The following PKHD1 variants were observed in gnomAD, a reference collection of about 807,000 sequenced individuals.
PKHD1 encodes the protein PKHD1 ciliary IPT domain containing fibrocystin/polyductin.
A neutral mutation model predicts 412.0 loss-of-function variants in PKHD1; 291 were observed. The observed-to-expected ratio is 0.71, with a 90% confidence interval of 0.64 to 0.78. The LOEUF is 0.78. Ranked by LOEUF, PKHD1 falls within the 30% of genes least tolerant of loss-of-function variation. The pLI, the probability that PKHD1 is intolerant of heterozygous loss-of-function variation, is 0.00. For synonymous variants in PKHD1, 1,777 were observed against 1,821.5 expected (o/e 0.98, Z 0.62); for missense variants, 4,825 against 4,950.7 (o/e 0.97, Z 0.76).
chr6:51,968,319 C>A (rs1793149378), intron 35 of PKHD1, among the ~76,000 whole-genome samples: 1 of 152,128 alleles, frequency 6.6e-6, no homozygotes. Context: ...TTGTAGTGAA[C>A]AATCAATTAG....
intron 43 of PKHD1, among the ~76,000 whole-genome samples, chr6:51,900,072 C>T (rs1411387017): frequency 6.6e-6 from 1 of 152,072 alleles, no homozygotes. Context: ...GAATCAATAT[C>T]GTGAAAATGG....
chr6:51,827,450 C>T (rs969181764), intron 52 of PKHD1, among the ~76,000 whole-genome samples: 1 of 152,074 alleles, frequency 6.6e-6, no homozygotes, highest in African/African-American at 2.4e-5. Flanking sequence ...TACAGCTTGT[C>T]CAATGTCACA....
At chr6:51,755,784 T>C (rs1281267942) in intron 55 of PKHD1, among the ~76,000 whole-genome samples, 1 of 152,192 alleles carries the variant, frequency 6.6e-6, no homozygotes, top group South Asian at 2.1e-4. Flanking sequence ...ACAGTGTCCA[T>C]GTGCAGGGCA....
In PKHD1 at chr6:52,017,647, C is replaced by A; in HGVS notation, c.5381-18G>T. On this transcript the variant is annotated intron_variant, in intron 33 of 66. Transcript: ENST00000371117. The stretch of plus-strand genomic sequence containing the variant: ...CAAGGACACTGCAGGAAACAGTCAC[C>A]ATTAGGAAAGAACCACAGAGAGAAC... The A allele has an allele frequency of 6.3e-7, 1 of 1,597,564 alleles. No homozygotes were observed. The highest frequency in any genetic ancestry group is 1.1e-5 in the South Asian group (1 of 90,638).
In PKHD1 at chr6:52,056,247, G is replaced by T. The variant is rs76039302; in HGVS notation, c.1693+451C>A. Among the ~76,000 whole-genome samples the T allele has an allele frequency of 3.3e-5, 5 of 152,298 alleles. No individual in the cohort carries two copies. In the East Asian group the frequency reaches 9.6e-4, roughly 29 times the overall value. ...AGACAAGGAATATCAAGATGGAAGA[G>T]GTGTTCAAAAATAACTAGAATTTAG... On this transcript the variant is annotated intron_variant, in intron 18 of 66. Coordinates refer to ENST00000371117, the MANE Select transcript of PKHD1 (RefSeq NM_138694.4).
intron 66 of PKHD1, chr6:51,621,965 C>T (rs1346848401): frequency 1.3e-5 from 2 of 152,204 alleles, no homozygotes; most frequent in Admixed American, 6.5e-5. Flanking sequence ...GCCTCCTTTC[C>T]ACCTCTGCCT....
At chr6:52,070,548 C>A (rs2128229442) in intron 9 of PKHD1, 103 bp from the exon 10 acceptor site, 1 of 810,868 alleles carries the variant, frequency 1.2e-6, no homozygotes. Context: ...ATCAAATTAC[C>A]ACCCAAACCT....
At chr6:51,687,591 C>T (rs1314359241) in intron 60 of PKHD1, among the ~76,000 whole-genome samples, 3 of 152,172 alleles carry the variant, frequency 2.0e-5, no homozygotes, top group Non-Finnish European at 2.9e-5. Flanking sequence ...TTGCCCTTCA[C>T]AACAACTTTA....
chr6:51,737,612 T>G (rs1784014340), intron 60 of PKHD1, among the ~76,000 whole-genome samples: 1 of 152,186 alleles, frequency 6.6e-6, no homozygotes, highest in African/African-American at 2.4e-5. Flanking sequence ...CTCACTAAAT[T>G]AAAAATATTG....
intron 60 of PKHD1, among the ~76,000 whole-genome samples, chr6:51,679,395 G>A (rs1776318457): frequency 6.6e-6 from 1 of 151,716 alleles, no homozygotes; most frequent in Non-Finnish European, 1.5e-5. Context: ...TTGACAAGTG[G>A]TGAAAGAATT....
intron 60 of PKHD1, among the ~76,000 whole-genome samples, chr6:51,710,635 A>C (rs924645328): frequency 6.6e-6 from 1 of 152,156 alleles, no homozygotes; most frequent in African/African-American, 2.4e-5. Context: ...CATTAAACAT[A>C]TATATCTATT....
intron 6 of PKHD1, among the ~76,000 whole-genome samples, 178 bp from the exon 7 acceptor site, chr6:52,073,719 A>T (rs1467121774): frequency 1.3e-5 from 2 of 152,202 alleles, no homozygotes; most frequent in Non-Finnish European, 2.9e-5. Flanking sequence ...TTTAGTGATC[A>T]ATATTACACA....
chr6:51,963,496 C>T (rs1384660948), intron 35 of PKHD1, among the ~76,000 whole-genome samples: 1 of 152,122 alleles, frequency 6.6e-6, no homozygotes. Flanking sequence ...GCATCCACTG[C>T]TTACCAGCTA....
At chr6:51,956,282 G>T (rs947648227) in intron 36 of PKHD1, among the ~76,000 whole-genome samples, 1 of 140,470 alleles carries the variant, frequency 7.1e-6, no homozygotes, top group African/African-American at 2.7e-5. Context: ...ATATGTAAGT[G>T]TATATGTGTG....
chr6:52,011,382 T>C (rs901076934), intron 34 of PKHD1, among the ~76,000 whole-genome samples: 4 of 152,242 alleles, frequency 2.6e-5, no homozygotes, highest in African/African-American at 7.2e-5. Context: ...ATGTATGATC[T>C]CATTTCAGCC....
rs1775353505 is a variant in PKHD1 at position 51,867,968 on chromosome 6, A to G, written c.7628T>C (p.Met2543Thr). Residue 2543 changes from methionine (M) to threonine (T), a missense_variant, in exon 48 of 67, where the codon ATG becomes ACG. Coordinates refer to ENST00000371117, the MANE Select transcript of PKHD1 (RefSeq NM_138694.4). ...GKNRSHILASMETLSASCLVN... is the reference protein window; with the variant it reads ...GKNRSHILASTETLSASCLVN... ...CAAACAAGAAGCTGAAAGGGTTTCC[A>G]TAGAAGCAAGAATGTGACTTCTGTT... 3.1e-6 allele frequency: 5 copies of G among 1,613,498 alleles called. No homozygotes were observed. Among genetic ancestry groups the G allele is most frequent in the Non-Finnish European group, 4.2e-6 (5 of 1,179,588 alleles).
chr6:51,924,452 AGAAACAACG>A (rs770021457), intron 37 of PKHD1, among the ~76,000 whole-genome samples: 12 of 152,248 alleles, frequency 7.9e-5, no homozygotes, highest in Non-Finnish European at 1.0e-4. Context: ...ACTTTACCTT[AGAAACAACG>A]GAAAGCCACT....
chr6:52,086,400 C>T (rs987860095), intron 1 of PKHD1, among the ~76,000 whole-genome samples: 1 of 151,884 alleles, frequency 6.6e-6, no homozygotes, highest in Non-Finnish European at 1.5e-5. Flanking sequence ...CATGAACCAC[C>T]ACACCTGGCC....
intron 34 of PKHD1, among the ~76,000 whole-genome samples, chr6:52,010,716 A>G (rs1799698866): frequency 6.6e-6 from 1 of 152,230 alleles, no homozygotes; most frequent in African/African-American, 2.4e-5. Flanking sequence ...GAATCTATTA[A>G]AAACATTAGC....
Sources: gnomAD v4.1 joint callset for allele counts (sites outside exome capture counted in the v4.1 genomes callset) on GRCh38, gnomAD v4.1.1 for gene constraint, MANE v1.5 for transcripts, NCBI Gene and HGNC (gene_info 2026-07-23, HGNC 2026-07-21) for gene names.